Variants in RAP1GDS1 observed in about 807,000 individuals in gnomAD.
RAP1GDS1 encodes the protein RAP1, GTP-GDP dissociation stimulator 1.
RAP1GDS1 carries 35 observed loss-of-function variants against 71.1 expected under a neutral mutation model. The ratio of observed to expected loss-of-function variants is 0.49; its 90% confidence interval spans 0.38 to 0.65. The LOEUF (loss-of-function observed/expected upper bound fraction) is 0.65, where lower values mean the gene tolerates loss of function less well. Among genes scored for constraint, RAP1GDS1 ranks in the 30% least tolerant of loss-of-function variants. The pLI is 0.00. For synonymous variants in RAP1GDS1, 229 were observed against 243.1 expected, an observed-to-expected ratio of 0.94 and a Z score of 0.54; for missense variants, 663 against 706.1, an observed-to-expected ratio of 0.94 and a Z score of 0.69.
At chr4:98,302,734 T>A (rs868182090) in intron 2 of RAP1GDS1, among the ~76,000 whole-genome samples, 12 of 152,064 alleles carry the variant, frequency 7.9e-5, no homozygotes, top group African/African-American at 2.9e-4. Context: ...AAGGCCTCCA[T>A]GCAAAAATAT....
In RAP1GDS1 at chr4:98,363,478, C is replaced by CAAAAAAAAAAAAAAAAA. The variant is rs34393905; in HGVS notation, c.361+10888_361+10904dup. Among the ~76,000 whole-genome samples the CAAAAAAAAAAAAAAAAA allele has an allele frequency of 1.4e-3, 52 of 37,726 alleles. 5 individuals are homozygous for CAAAAAAAAAAAAAAAAA. The highest frequency in any genetic ancestry group is 4.6e-3 in the African/African-American group (47 of 10,112). 24.7% of individuals were successfully genotyped at this position (37,726 alleles called of 152,430 possible). ...CCTAAATAACAGTGAGACCCTGTCT[C>CAAAAAAAAAAAAAAAAA]AAAAAAAAAAAAAAAAAAAAAAAAA... On this transcript the variant is annotated intron_variant, in intron 4 of 14. Transcript: ENST00000408927.
chr4:98,348,663 C>A (rs1736678101), intron 3 of RAP1GDS1, among the ~76,000 whole-genome samples: 1 of 152,172 alleles, frequency 6.6e-6, no homozygotes, highest in African/African-American at 2.4e-5. Flanking sequence ...ACTGTTCTAA[C>A]TGGTGTGAGA....
chr4:98,418,884 A>G (rs1338632520), intron 10 of RAP1GDS1, 93 bp downstream of exon 10: 1 of 1,236,336 alleles, frequency 8.1e-7, no homozygotes, highest in African/African-American at 1.6e-5. Context: ...ACCTGCTCTG[A>G]TGAAGAAAAT....
intron 1 of RAP1GDS1, among the ~76,000 whole-genome samples, chr4:98,275,612 T>C (rs1233556144): frequency 6.6e-6 from 1 of 152,218 alleles, no homozygotes; most frequent in Non-Finnish European, 1.5e-5. Flanking sequence ...ATGTATGGGC[T>C]GTGGACTGTA....
At chr4:98,413,848 T>C (rs1171242233) in intron 7 of RAP1GDS1, among the ~76,000 whole-genome samples, 4 of 151,170 alleles carry the variant, frequency 2.6e-5, no homozygotes, top group Non-Finnish European at 5.9e-5. Flanking sequence ...AGTGTAAAAG[T>C]GTTCCTATTT....
Position 98,442,650 on chromosome 4 carries a change from A to G in RAP1GDS1, c.*533A>G, listed in dbSNP as rs539068314. ...GTACCTAGAGTTAAATAAAATTCCA[A>G]TGCTCTTACTCTTTAACTTCTGGTT... On this transcript the variant is annotated 3_prime_UTR_variant, in exon 15 of 15. Coordinates refer to ENST00000408927, the MANE Select transcript of RAP1GDS1 (RefSeq NM_001100427.2). 1.5e-4 allele frequency: 34 copies of G among 227,668 alleles called. 1 individual carries two copies. The South Asian group carries it at 3.7e-3, about 24-fold the overall frequency. The allele number at this position is 227,668 out of a possible 1,614,324, so 14.1% of individuals were successfully genotyped here. A position where few individuals can be genotyped will look rare whatever the true frequency, so the allele number is the denominator to read the frequency against.
At chr4:98,321,616 A>G (rs1479731324) in intron 2 of RAP1GDS1, among the ~76,000 whole-genome samples, 1 of 151,562 alleles carries the variant, frequency 6.6e-6, no homozygotes, top group Non-Finnish European at 1.5e-5. Flanking sequence ...GCCAATATTC[A>G]ACATTCTTAA....
rs139971245 is a variant in RAP1GDS1 at position 98,378,600 on chromosome 4, A to G, written c.362-417A>G. 2.0e-5 allele frequency among the ~76,000 whole-genome samples: 3 copies of G among 152,082 alleles called. No individual in the cohort carries two copies. In the East Asian group the frequency reaches 5.8e-4, roughly 29 times the overall value. ...CGATAATAGCTGATTTTGAAAACCA[A>G]TGACAAAAAGTTATATTTAGTGATT... On this transcript the variant is annotated intron_variant, in intron 4 of 14. Transcript: ENST00000408927.
intron 4 of RAP1GDS1, among the ~76,000 whole-genome samples, chr4:98,372,741 G>A (rs1321743113): frequency 6.6e-6 from 1 of 152,058 alleles, no homozygotes; most frequent in Non-Finnish European, 1.5e-5. Context: ...CTGGTGTGTA[G>A]TAGTGCAATC....
At chr4:98,343,666 C>T (rs565376602) in intron 3 of RAP1GDS1, among the ~76,000 whole-genome samples, 54 of 152,168 alleles carry the variant, frequency 3.5e-4, no homozygotes, top group Admixed American at 3.1e-3. Context: ...CCTATTGTTC[C>T]GACATTGGCA....
intron 2 of RAP1GDS1, among the ~76,000 whole-genome samples, chr4:98,315,575 C>T (rs1340931820): frequency 6.6e-6 from 1 of 151,878 alleles, no homozygotes; most frequent in Non-Finnish European, 1.5e-5. Flanking sequence ...TATACAAAGT[C>T]ATAGTGGTGA....
chr4:98,367,555 A>G (rs1739687485), intron 4 of RAP1GDS1, among the ~76,000 whole-genome samples: 1 of 152,216 alleles, frequency 6.6e-6, no homozygotes, highest in South Asian at 2.1e-4. Flanking sequence ...AAAGCTGCAG[A>G]CACTCAACAC....
intron 4 of RAP1GDS1, among the ~76,000 whole-genome samples, chr4:98,371,497 G>A (rs1740380279): frequency 6.6e-6 from 1 of 151,606 alleles, no homozygotes; most frequent in Non-Finnish European, 1.5e-5. Context: ...TATTTTTTTA[G>A]ATGGAGTCTT....
At chr4:98,265,593 G>A (rs2110220032) in intron 1 of RAP1GDS1, among the ~76,000 whole-genome samples, 1 of 152,210 alleles carries the variant, frequency 6.6e-6, no homozygotes. Context: ...ATATCCTGAG[G>A]TGATATTTGA....
intron 7 of RAP1GDS1, among the ~76,000 whole-genome samples, chr4:98,408,817 G>A (rs986084073): frequency 6.6e-6 from 1 of 152,048 alleles, no homozygotes; most frequent in African/African-American, 2.4e-5. Flanking sequence ...TTTAAAAAAA[G>A]CTTTTCATAA....
intron 7 of RAP1GDS1, among the ~76,000 whole-genome samples, chr4:98,408,682 A>T (rs1746537547): frequency 6.6e-6 from 1 of 152,158 alleles, no homozygotes; most frequent in South Asian, 2.1e-4. Flanking sequence ...GTAATATATT[A>T]AAAAAATTAA....
chr4:98,406,237 C>T (rs1746095825), intron 7 of RAP1GDS1, among the ~76,000 whole-genome samples: 1 of 151,820 alleles, frequency 6.6e-6, no homozygotes, highest in Admixed American at 6.6e-5. Flanking sequence ...TAAATGTGGC[C>T]TAAATGCTCT....
chr4:98,300,271 C>A (rs1258069363), intron 2 of RAP1GDS1, among the ~76,000 whole-genome samples: 1 of 152,228 alleles, frequency 6.6e-6, no homozygotes, highest in Non-Finnish European at 1.5e-5. Flanking sequence ...AAAGTTATGA[C>A]TTACTGAAGG....
intron 1 of RAP1GDS1, among the ~76,000 whole-genome samples, chr4:98,281,568 A>G: frequency 6.6e-6 from 1 of 152,108 alleles, no homozygotes; most frequent in Non-Finnish European, 1.5e-5. Context: ...GGACAATTTG[A>G]CTTCCTCTTT....
Sources: gnomAD v4.1 joint callset for allele counts (sites outside exome capture counted in the v4.1 genomes callset) on GRCh38, gnomAD v4.1.1 for gene constraint, MANE v1.5 for transcripts, NCBI Gene and HGNC (gene_info 2026-07-23, HGNC 2026-07-21) for gene names.